The following CFTR variants were observed in gnomAD, a reference collection of about 807,000 sequenced individuals.
The protein encoded by CFTR is cystic fibrosis transmembrane conductance regulator.
CFTR carries 181 observed loss-of-function variants against 171.6 expected under a neutral mutation model. The ratio of observed to expected loss-of-function variants is 1.05; its 90% CI spans 0.93 to 1.19. CFTR has a LOEUF of 1.19. Among genes scored for constraint, CFTR ranks in the 50% most tolerant of loss-of-function variants. The probability of loss-of-function intolerance (pLI) is 0.00; values close to 1 mark genes in which losing one functional copy is unlikely to be tolerated. For synonymous variants in CFTR, 583 were observed against 608.0 expected (o/e 0.96, Z 0.60); for missense variants, 1,968 against 1,734.7 (o/e 1.13, Z -2.39).
At chr7:117,553,882 A>G (rs7803222) in intron 10 of CFTR, among the ~76,000 whole-genome samples, 17,158 of 152,186 alleles carry the variant, frequency 0.11, 1,465 homozygotes, top group East Asian at 0.41. Context: ...CTCTGGGAAG[A>G]GTCTTCCAAG....
At chr7:117,643,857 T>A (rs1361625137) in intron 23 of CFTR, among the ~76,000 whole-genome samples, 1 of 152,124 alleles carries the variant, frequency 6.6e-6, no homozygotes, top group Non-Finnish European at 1.5e-5. Flanking sequence ...AATCTGCCCA[T>A]TAGAATAAGC....
At chr7:117,519,786 CCATGATTTATTTAATCAGTTCCT>C (rs1230777835) in intron 3 of CFTR, among the ~76,000 whole-genome samples, 3 of 151,818 alleles carry the variant, frequency 2.0e-5, no homozygotes, top group African/African-American at 7.3e-5. Context: ...TATGGCTGTA[CCATGATTTATTTAATCAGTTCCT>C]CATCATTGAG....
At position 117,590,447 on chromosome 7, in the gene CFTR, CT is replaced by C. The variant is rs754798684; in HGVS notation, c.1766+11del. 1.3e-6 allele frequency: 2 copies of C among 1,596,922 alleles called. No individual in the cohort carries two copies. Among genetic ancestry groups the C allele is most frequent in the Admixed American group, 3.4e-5 (2 of 59,452 alleles). ...AAAAGAAATATTTGAAAGGTATGTT[CT>C]TTGAATACCTTACTTATAATGCTCA... On this transcript the variant is annotated intron_variant, in intron 13 of 26. Coordinates refer to ENST00000003084, the MANE Select transcript of CFTR (RefSeq NM_000492.4).
At position 117,611,646 on chromosome 7, in the gene CFTR, G is replaced by T. The variant is rs200321110; in HGVS notation, c.3205G>T (p.Gly1069Ter). The T allele has an allele frequency of 6.2e-7, 1 of 1,613,354 alleles. No homozygotes were observed. Among genetic ancestry groups the T allele is most frequent in the Non-Finnish European group, 8.5e-7 (1 of 1,179,754 alleles). ...AGGACTATGGACACTTCGTGCCTTC[G>T]GACGGCAGCCTTACTTTGAAACTCT... ...LKGLWTLRAFGRQPYFETLFH... is the reference protein window; with the variant it reads ...LKGLWTLRAF The change falls in exon 20 of 27, where the codon GGA becomes TGA. Residue 1069 changes from glycine to a stop codon, truncating the protein, a stop_gained. Transcript: ENST00000003084. LOFTEE classifies it high-confidence loss of function.
At chr7:117,602,769 G>A (rs1014387889) in intron 15 of CFTR, 57 bp from the exon 16 acceptor site, 45 of 1,394,360 alleles carry the variant, frequency 3.2e-5, no homozygotes, top group Non-Finnish European at 4.4e-5. Flanking sequence ...ATGTGGGCAT[G>A]GGAGGAATAG....
At chr7:117,598,096 G>C (rs1343150427) in intron 15 of CFTR, among the ~76,000 whole-genome samples, 1 of 152,178 alleles carries the variant, frequency 6.6e-6, no homozygotes, top group East Asian at 1.9e-4. Flanking sequence ...AGGTTTCCCA[G>C]ATCTTTTTAT....
intron 1 of CFTR, among the ~76,000 whole-genome samples, chr7:117,488,285 A>G (rs943337410): frequency 6.6e-6 from 1 of 152,132 alleles, no homozygotes; most frequent in African/African-American, 2.4e-5. Context: ...CTATTGCAAT[A>G]TGCTTTAAAA....
chr7:117,559,612 A>C lies in CFTR; in HGVS notation c.1541A>C (p.Glu514Ala), dbSNP rs1174624989. 2 of 1,613,342 alleles carry C rather than the reference A, an allele frequency of 1.2e-6. No homozygotes were observed. Among genetic ancestry groups the C allele is most frequent in the African/African-American group, 2.7e-5 (2 of 74,914 alleles). ...ATCATCTTTGGTGTTTCCTATGATG[A>C]ATATAGATACAGAAGCGTCATCAAA... Reference protein sequence around the residue: ...ENIIFGVSYDEYRYRSVIKAC... With the variant: ...ENIIFGVSYDAYRYRSVIKAC... Residue 514 changes from glutamate to alanine, a missense_variant, in exon 11 of 27, where the codon GAA becomes GCA. Transcript: ENST00000003084.
At chr7:117,543,429 G>A (rs1199707470) in intron 9 of CFTR, among the ~76,000 whole-genome samples, 2 of 152,012 alleles carry the variant, frequency 1.3e-5, no homozygotes, top group Non-Finnish European at 2.9e-5. Context: ...TCCTACTCTG[G>A]TGCAAAAACC....
intron 3 of CFTR, among the ~76,000 whole-genome samples, chr7:117,520,721 C>G (rs1473542195): frequency 1.3e-5 from 2 of 151,866 alleles, no homozygotes; most frequent in African/African-American, 4.8e-5. Context: ...TCTTATTCCT[C>G]AAATGTTTTT....
At chr7:117,647,328 G>T (rs1294801383) in intron 23 of CFTR, 1 of 152,062 alleles carries the variant, frequency 6.6e-6, no homozygotes. Flanking sequence ...AATTTATAAA[G>T]AAAATAAATG....
intron 6 of CFTR, 133 bp from the exon 7 acceptor site, chr7:117,536,415 C>A: frequency 2.2e-6 from 2 of 902,588 alleles, no homozygotes; most frequent in Non-Finnish European, 3.5e-6. Context: ...TTGTTACCAT[C>A]TATTTGATAA....
In CFTR at chr7:117,667,210, T is replaced by C; in HGVS notation, c.*102T>C. 1 of 1,064,642 alleles carries C rather than the reference T, an allele frequency of 9.4e-7. No individual in the cohort carries two copies. Among genetic ancestry groups the C allele is most frequent in the Non-Finnish European group, 1.4e-6 (1 of 700,996 alleles). The allele number at this position is 1,064,642 out of a possible 1,614,324, so 65.9% of individuals were successfully genotyped here. On this transcript the variant is annotated 3_prime_UTR_variant, in exon 27 of 27. Coordinates refer to ENST00000003084, the MANE Select transcript of CFTR (RefSeq NM_000492.4). ...AGCTCGTGGAACAGTTACCTCTGCCTCAGAAAACAAGGATGAATTAAGTTT... is the reference window on the plus strand; with the variant it reads ...AGCTCGTGGAACAGTTACCTCTGCCCCAGAAAACAAGGATGAATTAAGTTT...
intron 9 of CFTR, among the ~76,000 whole-genome samples, chr7:117,545,401 A>G (rs1799123663): frequency 6.6e-6 from 1 of 152,190 alleles, no homozygotes; most frequent in Non-Finnish European, 1.5e-5. Context: ...GACCTCTCTC[A>G]GGCTCAAGTG....
chr7:117,546,529 CAT>C (rs1799150474), intron 9 of CFTR, among the ~76,000 whole-genome samples: 1 of 151,994 alleles, frequency 6.6e-6, no homozygotes, highest in Non-Finnish European at 1.5e-5. Context: ...AAATGTTAAA[CAT>C]AGTTCTCAGT....
chr7:117,481,625 A>G (rs905779653), intron 1 of CFTR, among the ~76,000 whole-genome samples: 7 of 152,158 alleles, frequency 4.6e-5, no homozygotes, highest in East Asian at 1.9e-4. Flanking sequence ...GTGTGTTAAG[A>G]GCATACTCAT....
chr7:117,576,958 C>A (rs1252795376), intron 11 of CFTR, among the ~76,000 whole-genome samples: 1 of 152,162 alleles, frequency 6.6e-6, no homozygotes, highest in African/African-American at 2.4e-5. Flanking sequence ...CACTCCTCCC[C>A]TTGCCTTTGA....
At chr7:117,503,662 A>G (rs907019044) in intron 1 of CFTR, among the ~76,000 whole-genome samples, 1 of 152,192 alleles carries the variant, frequency 6.6e-6, no homozygotes, top group African/African-American at 2.4e-5. Flanking sequence ...AGGAGACAAA[A>G]CATAAGAAAG....
At chr7:117,646,436 G>A (rs1267620562) in intron 23 of CFTR, among the ~76,000 whole-genome samples, 2 of 152,144 alleles carry the variant, frequency 1.3e-5, no homozygotes, top group Non-Finnish European at 2.9e-5. Context: ...TGTGGAGAGG[G>A]TATTCCAGGA....
Sources: allele counts gnomAD v4.1 joint callset (sites outside exome capture counted in the v4.1 genomes callset), GRCh38; gene constraint gnomAD v4.1.1; transcripts MANE v1.5; gene names NCBI Gene and HGNC (gene_info 2026-07-23, HGNC 2026-07-21).